GRIK2: variants seen among roughly 807,000 people sequenced by gnomAD.
GRIK2 encodes glutamate receptor ionotropic, kainate 2.
In GRIK2, 32 loss-of-function variants were observed where a neutral mutation model predicts 100.3. That is an observed-to-expected ratio of 0.32 (90% CI 0.24 to 0.43). The LOEUF is 0.43. GRIK2 is among the 20% of genes least tolerant of loss of function. The probability of loss-of-function intolerance (pLI) is 1.00; values close to 1 mark genes in which losing one functional copy is unlikely to be tolerated. For synonymous variants in GRIK2, 417 were observed against 389.4 expected (o/e 1.07, Z -0.83); for missense variants, 843 against 1,114.9 (o/e 0.76, Z 3.47).
At chr6:101,899,561 CAT>C (rs1224500557) in intron 12 of GRIK2, among the ~76,000 whole-genome samples, 1 of 152,032 alleles carries the variant, frequency 6.6e-6, no homozygotes, top group Non-Finnish European at 1.5e-5. Context: ...CTGGATATAA[CAT>C]AGTTTCCTGC....
chr6:101,626,962 A>G (rs764109677), intron 4 of GRIK2, among the ~76,000 whole-genome samples: 5 of 152,038 alleles, frequency 3.3e-5, no homozygotes, highest in Non-Finnish European at 5.9e-5. Context: ...ACGTACACAT[A>G]CACATACACA....
chr6:101,794,986 C>A (rs913088628), intron 7 of GRIK2, among the ~76,000 whole-genome samples: 1 of 151,972 alleles, frequency 6.6e-6, no homozygotes, highest in Non-Finnish European at 1.5e-5. Flanking sequence ...CTGCCTTAGC[C>A]TCACAAGTAG....
Position 101,847,194 on chromosome 6 carries a change from T to C in GRIK2, c.1318-12093T>C, listed in dbSNP as rs540193403. Among the ~76,000 whole-genome samples, 9 of 152,284 alleles carry C rather than the reference T, an allele frequency of 5.9e-5. No individual in the cohort carries two copies. In the South Asian group the frequency reaches 1.9e-3, roughly 32 times the overall value. On this transcript the variant is annotated intron_variant, in intron 10 of 16. Coordinates refer to ENST00000369134, the MANE Select transcript of GRIK2 (RefSeq NM_021956.5). ...TCCATTGAGTTTTAATATGTTCTGC[T>C]TTTGTTTTCATTCATCACAGAGCAT...
chr6:101,729,636 G>A (rs530677788), intron 7 of GRIK2, among the ~76,000 whole-genome samples: 9 of 151,788 alleles, frequency 5.9e-5, no homozygotes, highest in East Asian at 3.9e-4. Context: ...CCAAAGAAGC[G>A]TCATATCCTG....
intron 12 of GRIK2, 177 bp downstream of exon 12, chr6:101,890,040 GT>G: frequency 1.7e-6 from 1 of 592,078 alleles, no homozygotes; most frequent in East Asian, 2.8e-5. Flanking sequence ...TCCTGTCTTT[GT>G]GGGCAGAGAG....
At chr6:102,010,751 C>T (rs920601160) in intron 14 of GRIK2, among the ~76,000 whole-genome samples, 6 of 151,634 alleles carry the variant, frequency 4.0e-5, no homozygotes, top group African/African-American at 1.5e-4. Flanking sequence ...TTGCCTTTTC[C>T]AGAATATCAT....
At chr6:101,867,680 A>G (rs1785137906) in intron 11 of GRIK2, among the ~76,000 whole-genome samples, 1 of 151,670 alleles carries the variant, frequency 6.6e-6, no homozygotes, top group African/African-American at 2.4e-5. Flanking sequence ...TTAAGTGTTT[A>G]ATTTTTCTTT....
intron 2 of GRIK2, among the ~76,000 whole-genome samples, chr6:101,593,739 T>G (rs888373590): frequency 1.3e-5 from 2 of 151,904 alleles, no homozygotes; most frequent in African/African-American, 4.8e-5. Flanking sequence ...AGTTGACTTT[T>G]TCATTTTTTA....
At chr6:101,762,716 G>A (rs550155108) in intron 7 of GRIK2, among the ~76,000 whole-genome samples, 127 of 152,226 alleles carry the variant, frequency 8.3e-4, no homozygotes, top group South Asian at 4.4e-3. Context: ...GCCTTGACAG[G>A]ATTTGAAGTT....
intron 2 of GRIK2, among the ~76,000 whole-genome samples, chr6:101,588,104 C>T (rs1416776465): frequency 1.3e-5 from 2 of 152,010 alleles, no homozygotes; most frequent in Non-Finnish European, 2.9e-5. Flanking sequence ...ATAGACATTT[C>T]CATTAGTCTT....
Position 101,799,890 on chromosome 6 carries a change from G to T in GRIK2, c.1095+99G>T, listed in dbSNP as rs532248728. The T allele has an allele frequency of 4.4e-6, 4 of 907,718 alleles. No homozygotes were observed. In the South Asian group the frequency reaches 6.8e-5, roughly 16 times the overall value. 56.2% of individuals were successfully genotyped at this position (907,718 alleles called of 1,614,324 possible). ...TCTAGCAAGTGTCCTTTTACTTTATGTTTAATTTAAATTTTCTCTCTTACT... is the reference window on the plus strand; with the variant it reads ...TCTAGCAAGTGTCCTTTTACTTTATTTTTAATTTAAATTTTCTCTCTTACT... On this transcript the variant is annotated intron_variant, in intron 8 of 16. Coordinates refer to ENST00000369134, the MANE Select transcript of GRIK2 (RefSeq NM_021956.5).
At chr6:101,665,118 G>A (rs962003684) in intron 4 of GRIK2, among the ~76,000 whole-genome samples, 4 of 152,136 alleles carry the variant, frequency 2.6e-5, no homozygotes, top group African/African-American at 9.7e-5. Context: ...TAACACCTCA[G>A]TTTAGCCCTG....
intron 14 of GRIK2, among the ~76,000 whole-genome samples, chr6:101,991,206 C>A (rs1036435866): frequency 1.3e-5 from 2 of 151,698 alleles, no homozygotes; most frequent in African/African-American, 2.4e-5. Flanking sequence ...TTTATTGAGA[C>A]TTTATCGTAT....
At chr6:101,619,560 A>G (rs926127545) in intron 2 of GRIK2, among the ~76,000 whole-genome samples, 3 of 152,010 alleles carry the variant, frequency 2.0e-5, no homozygotes, top group Non-Finnish European at 2.9e-5. Flanking sequence ...TACTTTTATT[A>G]CATAGAAACT....
At chr6:101,849,488 A>G (rs1263406151) in intron 10 of GRIK2, among the ~76,000 whole-genome samples, 1 of 152,094 alleles carries the variant, frequency 6.6e-6, no homozygotes, top group African/African-American at 2.4e-5. Context: ...CCTGAAAAGC[A>G]TAATTGTTCC....
At chr6:101,489,797 A>T (rs1239299807) in intron 2 of GRIK2, among the ~76,000 whole-genome samples, 1 of 146,540 alleles carries the variant, frequency 6.8e-6, no homozygotes, top group Non-Finnish European at 1.5e-5. Flanking sequence ...CCAGCATTAG[A>T]CAACATATTT....
intron 2 of GRIK2, among the ~76,000 whole-genome samples, chr6:101,600,658 A>ATT (rs147045037): frequency 1.3e-5 from 2 of 150,832 alleles, no homozygotes; most frequent in African/African-American, 4.9e-5. Context: ...TTTTTTGTGG[A>ATT]TTTTTTTTAA....
chr6:101,404,012 G>GA (rs1310253869), intron 2 of GRIK2, among the ~76,000 whole-genome samples: 2 of 152,188 alleles, frequency 1.3e-5, no homozygotes, highest in Non-Finnish European at 2.9e-5. Flanking sequence ...AAATGACTTT[G>GA]AAAAATGATC....
chr6:101,624,859 G>A (rs1780356652), intron 3 of GRIK2, among the ~76,000 whole-genome samples: 1 of 152,106 alleles, frequency 6.6e-6, no homozygotes, highest in South Asian at 2.1e-4. Context: ...AGCCTGCCAA[G>A]TAGCTAGGAC....
Sources: allele counts gnomAD v4.1 joint callset (sites outside exome capture counted in the v4.1 genomes callset), GRCh38; gene constraint gnomAD v4.1.1; transcripts MANE v1.5; gene names NCBI Gene and HGNC (gene_info 2026-07-23, HGNC 2026-07-21).